The following MDGA1 variants were observed in gnomAD, a reference collection of about 807,000 sequenced individuals.
The protein encoded by MDGA1 is MAM domain containing glycosylphosphatidylinositol anchor 1.
MDGA1 carries 54 observed loss-of-function variants against 101.5 expected under a neutral mutation model. The ratio of observed to expected loss-of-function variants is 0.53; its 90% confidence interval spans 0.43 to 0.67. MDGA1 has a LOEUF of 0.67. Ranked by LOEUF, MDGA1 falls within the 30% of genes least tolerant of loss-of-function variation. The pLI is 0.00. For synonymous variants in MDGA1, 533 were observed against 558.3 expected, an observed-to-expected ratio of 0.95 and a Z score of 0.64; for missense variants, 1,083 against 1,323.8, an observed-to-expected ratio of 0.82 and a Z score of 2.82.
At chr6:37,666,860 G>C (rs1368964848) in intron 1 of MDGA1, among the ~76,000 whole-genome samples, 1 of 152,192 alleles carries the variant, frequency 6.6e-6, no homozygotes, top group African/African-American at 2.4e-5. Flanking sequence ...TCAGGGAACA[G>C]GGAGGCTCTA....
intron 1 of MDGA1, among the ~76,000 whole-genome samples, chr6:37,677,272 C>T (rs1046390649): frequency 3.3e-5 from 5 of 152,130 alleles, no homozygotes; most frequent in South Asian, 2.1e-4. Context: ...TCACACAACC[C>T]GGCAGTGCGA....
At chr6:37,669,332 C>T (rs1034802966) in intron 1 of MDGA1, among the ~76,000 whole-genome samples, 1 of 152,164 alleles carries the variant, frequency 6.6e-6, no homozygotes, top group Non-Finnish European at 1.5e-5. Context: ...ATCCACTGTC[C>T]TGGGATGATA....
chr6:37,654,248 C>T (rs762032315), intron 6 of MDGA1, 26 bp downstream of exon 6: 1 of 1,518,108 alleles, frequency 6.6e-7, no homozygotes, highest in East Asian at 2.3e-5. Flanking sequence ...CACAACTTCC[C>T]TCCCACCCCT....
rs373247749 is a variant in MDGA1 at position 37,654,876 on chromosome 6, G to A, written c.636C>T (p.Tyr212=). The A allele has an allele frequency of 6.4e-5, 104 of 1,613,844 alleles. No homozygotes were observed. The African/African-American group carries it at 1.2e-3, about 19-fold the overall frequency. The change falls in exon 5 of 17, where the codon TAC becomes TAT. Residue 212 remains tyrosine, a synonymous_variant. Transcript: ENST00000434837. ...CGTTACGCACAGACACCTGGCAGGT[G>A]TAGCTGGCATAGTCCTGGGGCCGCA... is the stretch of plus-strand genomic sequence containing the variant. The part of the protein sequence containing the change: ...KNLRPQDYAS[Y]TCQVSVRNVC...
Position 37,655,028 on chromosome 6 carries a change from C to T in MDGA1, c.580-96G>A. ...CAGCACCAGAGCCTACCACAAATGC[C>T]TGTCTAATTCCTCTCTTTCCATCCC... On this transcript the variant is annotated intron_variant, in intron 4 of 16. Transcript: ENST00000434837. This position sits in a 1 kb window ranked among gnomAD's most constrained non-coding sequence, Gnocchi z 5.1. 6.9e-7 allele frequency: 1 copy of T among 1,443,180 alleles called. No homozygotes were observed. The highest frequency in any genetic ancestry group is 1.3e-5 in the South Asian group (1 of 77,388). The allele number at this position is 1,443,180 out of a possible 1,614,324, so 89.4% of individuals were successfully genotyped here.
intron 1 of MDGA1, among the ~76,000 whole-genome samples, chr6:37,695,373 C>G (rs76223258): frequency 1.3e-5 from 2 of 152,210 alleles, no homozygotes; most frequent in African/African-American, 4.8e-5. Flanking sequence ...CAGCCTCTCC[C>G]AGTCCCTGCT....
At chr6:37,664,980 C>G (rs1262605821) in intron 1 of MDGA1, among the ~76,000 whole-genome samples, 2 of 45,714 alleles carry the variant, frequency 4.4e-5, no homozygotes, top group Non-Finnish European at 1.3e-4. Flanking sequence ...AGCTTCTTCT[C>G]CAAGGACAGA....
intron 1 of MDGA1, among the ~76,000 whole-genome samples, chr6:37,676,993 C>T (rs1761994659): frequency 6.6e-6 from 1 of 151,920 alleles, no homozygotes; most frequent in Admixed American, 6.6e-5. Flanking sequence ...GCCCCCACTT[C>T]CCCATATAAA....
intron 14 of MDGA1, among the ~76,000 whole-genome samples, chr6:37,642,137 T>TTA (rs1342625730): frequency 1.7e-4 from 18 of 103,214 alleles, no homozygotes; most frequent in Non-Finnish European, 2.7e-4. Context: ...AGGAAATAGA[T>TTA]TATATATATG....
chr6:37,690,742 A>C (rs1581634942), intron 1 of MDGA1, among the ~76,000 whole-genome samples: 1 of 142,684 alleles, frequency 7.0e-6, no homozygotes, highest in Non-Finnish European at 1.5e-5. Context: ...GTGCCACTGC[A>C]CTCCAGCCTG....
chr6:37,652,048 G>T lies in MDGA1; in HGVS notation c.1275C>A (p.Pro425=), dbSNP rs560720783. ...AGATGTTGACCTCGACGCTGAGGTCGGGCACGGGTGCCCCTGGGAAAGAAG... is the reference window on the plus strand; with the variant it reads ...AGATGTTGACCTCGACGCTGAGGTCTGGCACGGGTGCCCCTGGGAAAGAAG... The part of the protein sequence containing the change: ...CMASFPGAPV[P]DLSVEVNISS... Residue 425 remains proline (P), a synonymous_variant, in exon 7 of 17, where the codon CCC becomes CCA. Coordinates refer to ENST00000434837, the MANE Select transcript of MDGA1 (RefSeq NM_153487.4). The surrounding 1 kb of genome is among the most constrained non-coding windows in gnomAD (Gnocchi z 4.3). The T allele has an allele frequency of 1.2e-6, 2 of 1,609,420 alleles. No homozygotes were observed.
At chr6:37,681,272 C>T (rs905700871) in intron 1 of MDGA1, among the ~76,000 whole-genome samples, 3 of 152,178 alleles carry the variant, frequency 2.0e-5, no homozygotes, top group Non-Finnish European at 4.4e-5. Context: ...CTAGATCAAT[C>T]GAGGCCAGGA....
intron 1 of MDGA1, among the ~76,000 whole-genome samples, chr6:37,684,629 G>C (rs1042697205): frequency 6.6e-6 from 1 of 152,094 alleles, no homozygotes; most frequent in African/African-American, 2.4e-5. Flanking sequence ...TGCCTTCTGC[G>C]GTCTCAGTTT....
intron 1 of MDGA1, among the ~76,000 whole-genome samples, chr6:37,695,655 A>G (rs893448526): frequency 6.6e-6 from 1 of 152,194 alleles, no homozygotes; most frequent in Non-Finnish European, 1.5e-5. Flanking sequence ...GTCAGTGCCT[A>G]TACTACCCCA....
chr6:37,681,053 G>C (rs931182115), intron 1 of MDGA1, among the ~76,000 whole-genome samples: 1 of 152,200 alleles, frequency 6.6e-6, no homozygotes, highest in Non-Finnish European at 1.5e-5. Flanking sequence ...TGGCATGGGG[G>C]GTTAAGGGGG....
intron 1 of MDGA1, among the ~76,000 whole-genome samples, chr6:37,684,679 T>G (rs1224990010): frequency 6.6e-6 from 1 of 152,218 alleles, no homozygotes; most frequent in Non-Finnish European, 1.5e-5. Flanking sequence ...TTTGGGTCAT[T>G]GAAGGCCACT....
intron 1 of MDGA1, among the ~76,000 whole-genome samples, chr6:37,664,896 C>T (rs1761712270): frequency 6.9e-6 from 1 of 145,696 alleles, no homozygotes; most frequent in Admixed American, 6.8e-5. Context: ...CACACACACA[C>T]ACACACACAC....
At chr6:37,678,810 C>T (rs1490113225) in intron 1 of MDGA1, among the ~76,000 whole-genome samples, 3 of 151,994 alleles carry the variant, frequency 2.0e-5, no homozygotes, top group Admixed American at 2.0e-4. Flanking sequence ...CCCCCACCTC[C>T]ATCACGCTCA....
At chr6:37,641,842 C>T (rs1213377544) in intron 14 of MDGA1, 1 of 152,176 alleles carries the variant, frequency 6.6e-6, no homozygotes, top group Admixed American at 6.5e-5. Flanking sequence ...CAGACCCAGC[C>T]ACGGGCAAAA....
Sources: gnomAD v4.1 joint callset for allele counts (sites outside exome capture counted in the v4.1 genomes callset) on GRCh38, gnomAD v4.1.1 for gene constraint, Gnocchi (gnomAD v3.1) non-coding constraint, MANE v1.5 for transcripts, NCBI Gene and HGNC (gene_info 2026-07-23, HGNC 2026-07-21) for gene names.